The following MCF2L variants were observed in gnomAD, a reference collection of about 807,000 sequenced individuals.
The protein encoded by MCF2L is MCF.2 cell line derived transforming sequence like, also known as guanine nucleotide exchange factor DBS.
A neutral mutation model predicts 153.4 loss-of-function variants in MCF2L; 97 were observed. The observed-to-expected ratio is 0.63, with a 90% CI of 0.54 to 0.75. The LOEUF (loss-of-function observed/expected upper bound fraction) is 0.75, where lower values mean the gene tolerates loss of function less well. Among genes scored for constraint, MCF2L ranks in the 30% least tolerant of loss-of-function variants. The pLI, the probability that MCF2L is intolerant of heterozygous loss-of-function variation, is 0.00. For synonymous variants in MCF2L, 659 were observed against 632.2 expected (o/e 1.04, Z -0.64); for missense variants, 1,347 against 1,495.2 (o/e 0.90, Z 1.64).
At chr13:112,917,158 T>G (rs1340500436) in intron 2 of MCF2L, 2 of 471,102 alleles carry the variant, frequency 4.2e-6, no homozygotes, top group Non-Finnish European at 8.8e-6. Context: ...CACCTGAGTG[T>G]GATGATTCCT....
chr13:112,949,397 T>A (rs927291223), intron 2 of MCF2L, among the ~76,000 whole-genome samples: 1 of 152,178 alleles, frequency 6.6e-6, no homozygotes, highest in Non-Finnish European at 1.5e-5. Flanking sequence ...AAGCCAGTAT[T>A]ACATTGATAC....
chr13:112,895,835 C>A (rs2081062184), intron 1 of MCF2L, among the ~76,000 whole-genome samples: 1 of 151,936 alleles, frequency 6.6e-6, no homozygotes, highest in Non-Finnish European at 1.5e-5. Context: ...GCCCAGGCGT[C>A]CCCGATTTCA....
At position 113,064,400 on chromosome 13, in the gene MCF2L, C is replaced by G; in HGVS notation, c.586C>G (p.Arg196Gly). ...TGGGACCCTGGACTACTGCCACTCC[C>G]GGTGGCTGTGCCAGCGCACGGTGAG... Reference protein sequence around the residue: ...LGGTLDYCHSRWLCQRTAIES... With the variant: ...LGGTLDYCHSGWLCQRTAIES... The change falls in exon 6 of 30, where the codon CGG (arginine) becomes GGG (glycine). Residue 196 changes from arginine to glycine, a missense_variant. By Grantham distance (125) the Arg-to-Gly change is moderately radical. Transcript: ENST00000535094. The surrounding 1 kb of genome is among the most constrained non-coding windows in gnomAD (Gnocchi z 6.0). 6.2e-7 allele frequency: 1 copy of G among 1,611,742 alleles called. No homozygotes were observed. Among genetic ancestry groups the G allele is most frequent in the Non-Finnish European group, 8.5e-7 (1 of 1,179,214 alleles).
At chr13:113,087,833 C>T in intron 23 of MCF2L, 34 bp downstream of exon 23, 1 of 1,553,142 alleles carries the variant, frequency 6.4e-7, no homozygotes, top group Non-Finnish European at 8.9e-7. Flanking sequence ...GCCTCTTACA[C>T]ATTGCCACGA....
chr13:113,047,527 G>A (rs117067097), intron 4 of MCF2L, among the ~76,000 whole-genome samples: 5,712 of 152,320 alleles, frequency 0.037, 126 homozygotes, highest in Middle Eastern at 0.058. Context: ...GCACGTCGTC[G>A]TTTAAACAAC....
intron 1 of MCF2L, among the ~76,000 whole-genome samples, chr13:113,007,398 C>T (rs757647372): frequency 2.0e-5 from 3 of 152,218 alleles, no homozygotes; most frequent in Admixed American, 1.3e-4. Context: ...CCCCAGCGTC[C>T]GTGTCACCTG....
upstream of MCF2L, among the ~76,000 whole-genome samples, chr13:112,966,421 T>G (rs1319683737): frequency 1.3e-5 from 2 of 152,276 alleles, no homozygotes; most frequent in East Asian, 3.9e-4. This position sits in a 1 kb window ranked among gnomAD's most constrained non-coding sequence, Gnocchi z 4.1. Flanking sequence ...AGCCCCTTGA[T>G]AGATTGGGTG....
rs2081473361 is a variant in MCF2L, at chr13:112,932,427, A to T, written c.169+30056A>T. Among the ~76,000 whole-genome samples, 1 of 152,240 alleles carries T rather than the reference A, an allele frequency of 6.6e-6. No homozygotes were observed. The highest frequency in any genetic ancestry group is 1.5e-5 in the Non-Finnish European group (1 of 68,040). On this transcript the variant is annotated intron_variant, in intron 2 of 29. Transcript: ENST00000375608. This position sits in a 1 kb window ranked among gnomAD's most constrained non-coding sequence, Gnocchi z 4.6. ...GCCAAGAGGAGCTGAAGGAGACAGG[A>T]TGACTGAATCCTAGAACAGAAGAAT... is the stretch of plus-strand genomic sequence containing the variant.
At chr13:112,966,405 C>T (rs1435043494), upstream of MCF2L, among the ~76,000 whole-genome samples, 1 of 152,202 alleles carries the variant, frequency 6.6e-6, no homozygotes, top group Non-Finnish European at 1.5e-5. This position sits in a 1 kb window ranked among gnomAD's most constrained non-coding sequence, Gnocchi z 4.1. Context: ...CTGTCTTTTT[C>T]TCTCAAGCCC....
At chr13:113,078,913 G>A (rs930208558) in intron 15 of MCF2L, among the ~76,000 whole-genome samples, 174 bp downstream of exon 15, 2 of 152,246 alleles carry the variant, frequency 1.3e-5, no homozygotes, top group African/African-American at 4.8e-5. Flanking sequence ...GCTCGAGCGT[G>A]TGTCCTGGTC....
At chr13:113,030,324 A>G (rs1360801388) in intron 3 of MCF2L, among the ~76,000 whole-genome samples, 20 of 132,746 alleles carry the variant, frequency 1.5e-4, no homozygotes, top group South Asian at 4.9e-4. Context: ...GTGGACCCTC[A>G]GGTGTCTGCC....
At chr13:112,942,717 T>C in intron 2 of MCF2L, among the ~76,000 whole-genome samples, 1 of 152,110 alleles carries the variant, frequency 6.6e-6, no homozygotes. Context: ...AGTGAATGAG[T>C]TCAGATGCAG....
chr13:113,050,285 TGA>T (rs1491306276), intron 4 of MCF2L, among the ~76,000 whole-genome samples: 1 of 150,384 alleles, frequency 6.6e-6, no homozygotes, highest in Non-Finnish European at 1.5e-5. Context: ...ACTGTGAGTG[TGA>T]GAGTGTGTGT....
At chr13:112,905,337 CA>C (rs201834949) in intron 2 of MCF2L, among the ~76,000 whole-genome samples, 1,921 of 152,194 alleles carry the variant, frequency 0.013, 45 homozygotes, top group African/African-American at 0.043. Context: ...TCAAATGGAA[CA>C]GGGGTGGGGG....
At chr13:113,075,876 G>T in intron 11 of MCF2L, 90 bp from the exon 12 acceptor site, 1 of 1,072,492 alleles carries the variant, frequency 9.3e-7, no homozygotes, top group Non-Finnish European at 1.3e-6. Flanking sequence ...GGGATCTGTC[G>T]GGAGGACACC....
intron 1 of MCF2L, chr13:113,009,256 A>G (rs1376331925): frequency 6.6e-6 from 1 of 152,224 alleles, no homozygotes. Flanking sequence ...TCTTTTGACC[A>G]TCTTTTCTGG....
chr13:113,026,856 T>C lies in MCF2L; in HGVS notation c.278+2098T>C, dbSNP rs768189146. ...TCTGAAAAGGTAGGGAGCCCAGTTC[T>C]GTGTCTCCCCAGCGGCGGGCAGGAG... On this transcript the variant is annotated intron_variant, in intron 3 of 29. Transcript: ENST00000535094. 12 of 719,568 alleles carry C rather than the reference T, an allele frequency of 1.7e-5. No individual in the cohort carries two copies. In the East Asian group the frequency reaches 3.1e-4, roughly 18 times the overall value. The allele number at this position is 719,568 out of a possible 1,614,324, so 44.6% of individuals were successfully genotyped here.
intron 2 of MCF2L, among the ~76,000 whole-genome samples, chr13:112,946,298 A>G (rs565257403): frequency 6.7e-6 from 1 of 150,344 alleles, no homozygotes; most frequent in African/African-American, 2.5e-5. Flanking sequence ...AAAAAAAAAA[A>G]CTATAGTAAC....
At chr13:113,048,780 C>T (rs898511001) in intron 4 of MCF2L, among the ~76,000 whole-genome samples, 1 of 152,212 alleles carries the variant, frequency 6.6e-6, no homozygotes, top group Non-Finnish European at 1.5e-5. Flanking sequence ...GTAGTTAGCA[C>T]GTCCTGAGGC....
Sources: gnomAD v4.1 joint callset for allele counts (sites outside exome capture counted in the v4.1 genomes callset) on GRCh38, gnomAD v4.1.1 for gene constraint, Gnocchi (gnomAD v3.1) non-coding constraint, MANE v1.5 for transcripts, NCBI Gene and HGNC (gene_info 2026-07-23, HGNC 2026-07-21) for gene names.